ZBTB46: variants seen among roughly 807,000 people sequenced by gnomAD.
ZBTB46 encodes zinc finger and BTB domain-containing protein 46.
Under a neutral mutation model 44.1 loss-of-function variants are expected in ZBTB46, and 8 were observed. The observed-to-expected ratio is 0.18, with a 90% CI of 0.11 to 0.33. ZBTB46 has a LOEUF of 0.33. ZBTB46 is among the 10% of genes least tolerant of loss of function. The probability of loss-of-function intolerance (pLI) is 1.00; values close to 1 mark genes in which losing one functional copy is unlikely to be tolerated. For missense variants in ZBTB46, 651 were observed against 847.7 expected (o/e 0.77, Z 2.88); for synonymous variants, 409 against 382.3 (o/e 1.07, Z -0.81).
chr20:63,772,001 C>CTTTTTTT (rs11473575), intron 3 of ZBTB46, among the ~76,000 whole-genome samples: 1 of 138,852 alleles, frequency 7.2e-6, no homozygotes, highest in African/African-American at 2.7e-5. Context: ...AGGGCAAATT[C>CTTTTTTT]TTTTTTTTTT....
At chr20:63,792,410 G>T (rs2092568422) in intron 1 of ZBTB46, among the ~76,000 whole-genome samples, 1 of 136,652 alleles carries the variant, frequency 7.3e-6, no homozygotes. Flanking sequence ...CCCACATGCA[G>T]CCCTCATGGG....
intron 1 of ZBTB46, among the ~76,000 whole-genome samples, chr20:63,793,038 G>A (rs1184185628): frequency 3.3e-5 from 5 of 152,198 alleles, no homozygotes; most frequent in African/African-American, 7.2e-5. Flanking sequence ...CTTCCTGCCC[G>A]CCGGGCACGA....
chr20:63,769,140 T>G, intron 3 of ZBTB46: 1 of 972,290 alleles, frequency 1.0e-6, no homozygotes, highest in East Asian at 1.1e-4. Context: ...TCCTCGGAGG[T>G]GCCCGGGCTC....
intron 1 of ZBTB46, among the ~76,000 whole-genome samples, chr20:63,822,789 T>C (rs2092799532): frequency 6.6e-6 from 1 of 151,584 alleles, no homozygotes; most frequent in South Asian, 2.1e-4. Context: ...TGAGGCAGGA[T>C]GAATGCTTGA....
At chr20:63,806,907 T>C (rs1348079998) in intron 1 of ZBTB46, among the ~76,000 whole-genome samples, 1 of 151,802 alleles carries the variant, frequency 6.6e-6, no homozygotes, top group Non-Finnish European at 1.5e-5. Context: ...CTCAGCCTCC[T>C]GAGTAGCTGG....
intron 3 of ZBTB46, among the ~76,000 whole-genome samples, chr20:63,753,257 C>T (rs1027745172): frequency 5.9e-5 from 9 of 152,128 alleles, no homozygotes; most frequent in African/African-American, 1.7e-4. Context: ...GCGTGGTGTC[C>T]GATCAGACGC....
At chr20:63,830,902 G>A (rs1449575091) in intron 1 of ZBTB46, among the ~76,000 whole-genome samples, 195 bp downstream of exon 1, 1 of 141,510 alleles carries the variant, frequency 7.1e-6, no homozygotes, top group East Asian at 2.2e-4. Flanking sequence ...CGCCGCCCCC[G>A]GAGCCCGCGC....
chr20:63,804,565 G>A (rs2092669572), intron 1 of ZBTB46, among the ~76,000 whole-genome samples: 2 of 152,076 alleles, frequency 1.3e-5, no homozygotes, highest in South Asian at 2.1e-4. Context: ...TCTCAATGCT[G>A]GACAGGCCCA....
chr20:63,752,919 CCA>C lies in ZBTB46; in HGVS notation c.1223-60_1223-59del, dbSNP rs1181697656. On this transcript the variant is annotated intron_variant, in intron 3 of 4. Transcript: ENST00000245663. The surrounding 1 kb of genome is among the most constrained non-coding windows in gnomAD (Gnocchi z 5.6). ...GGCTTGGGATGTACCGCCCTGCGGC[CCA>C]CAGACCACGGCTGCACGCCGCAGCC... is the stretch of plus-strand genomic sequence containing the variant. 2 of 1,526,124 alleles carry C rather than the reference CCA, an allele frequency of 1.3e-6. No individual in the cohort carries two copies. The highest frequency in any genetic ancestry group is 2.3e-5 in the East Asian group (1 of 42,984). The allele number at this position is 1,526,124 out of a possible 1,614,324, so 94.5% of individuals were successfully genotyped here. A position where few individuals can be genotyped will look rare whatever the true frequency, so the allele number is the denominator to read the frequency against.
intron 1 of ZBTB46, among the ~76,000 whole-genome samples, chr20:63,792,926 G>C (rs2092572541): frequency 6.6e-6 from 1 of 152,230 alleles, no homozygotes; most frequent in Non-Finnish European, 1.5e-5. Context: ...TCAGGGTCCT[G>C]GGCCATCCCC....
At chr20:63,795,822 T>G (rs566267572) in intron 1 of ZBTB46, among the ~76,000 whole-genome samples, 1 of 152,348 alleles carries the variant, frequency 6.6e-6, no homozygotes, top group East Asian at 1.9e-4. Context: ...AAGAGTGGCC[T>G]CTGCCGAATG....
At chr20:63,799,979 AT>A (rs906228823) in intron 1 of ZBTB46, among the ~76,000 whole-genome samples, 3 of 152,216 alleles carry the variant, frequency 2.0e-5, no homozygotes, top group African/African-American at 4.8e-5. Context: ...AGACAGACTC[AT>A]GCGTGAACGT....
At chr20:63,761,638 C>T (rs1197540619) in intron 3 of ZBTB46, among the ~76,000 whole-genome samples, 1 of 151,962 alleles carries the variant, frequency 6.6e-6, no homozygotes, top group Non-Finnish European at 1.5e-5. Flanking sequence ...AAAAATTATC[C>T]AGGCGTGGTG....
At chr20:63,829,801 G>A (rs1475732681) in intron 1 of ZBTB46, among the ~76,000 whole-genome samples, 2 of 152,210 alleles carry the variant, frequency 1.3e-5, no homozygotes, top group Admixed American at 6.5e-5. Flanking sequence ...GCCTTGCAGA[G>A]GCAGCGTGAG....
chr20:63,803,220 A>T lies in ZBTB46; in HGVS notation c.-33-12430T>A. ...CCAGGGCGCCTCACCAGCAGGAACC[A>T]GGCACCTCCCCTCACACCAAGGCGT... is the stretch of plus-strand genomic sequence containing the variant. On this transcript the variant is annotated intron_variant, in intron 1 of 4. Transcript: ENST00000245663. This position sits in a 1 kb window ranked among gnomAD's most constrained non-coding sequence, Gnocchi z 4.0. 1 of 836,170 alleles carries T rather than the reference A, an allele frequency of 1.2e-6. No individual in the cohort carries two copies. Among genetic ancestry groups the T allele is most frequent in the Non-Finnish European group, 1.4e-6 (1 of 693,886 alleles). The allele number at this position is 836,170 out of a possible 1,614,324, so 51.8% of individuals were successfully genotyped here. A position where few individuals can be genotyped will look rare whatever the true frequency, so the allele number is the denominator to read the frequency against.
chr20:63,760,186 T>C (rs1420219491), intron 3 of ZBTB46, among the ~76,000 whole-genome samples: 2 of 152,224 alleles, frequency 1.3e-5, no homozygotes, highest in East Asian at 3.8e-4. Context: ...ATGTCTAACG[T>C]TGGCGTCATT....
At chr20:63,766,068 C>T (rs1388297899) in intron 3 of ZBTB46, among the ~76,000 whole-genome samples, 1 of 152,122 alleles carries the variant, frequency 6.6e-6, no homozygotes, top group East Asian at 1.9e-4. Flanking sequence ...GTACCTGCTT[C>T]AACAGCACTA....
chr20:63,813,052 C>G (rs1191519160), intron 1 of ZBTB46, among the ~76,000 whole-genome samples: 1 of 151,200 alleles, frequency 6.6e-6, no homozygotes, highest in Non-Finnish European at 1.5e-5. Flanking sequence ...GAGCCGAGAT[C>G]GCACCACTAT....
At chr20:63,772,358 T>G (rs1434395579) in intron 3 of ZBTB46, among the ~76,000 whole-genome samples, 1 of 152,102 alleles carries the variant, frequency 6.6e-6, no homozygotes, top group Non-Finnish European at 1.5e-5. Context: ...AGGTTAGAAC[T>G]TAAGAGAAAT....
Sources: gnomAD v4.1 joint callset for allele counts (sites outside exome capture counted in the v4.1 genomes callset) on GRCh38, gnomAD v4.1.1 for gene constraint, Gnocchi (gnomAD v3.1) non-coding constraint, MANE v1.5 for transcripts, NCBI Gene and HGNC (gene_info 2026-07-23, HGNC 2026-07-21) for gene names.